AFG3L2: variants seen among roughly 807,000 people sequenced by gnomAD.
AFG3L2 encodes the protein AFG3 like matrix AAA peptidase subunit 2, also known as mitochondrial inner membrane m-AAA protease component AFG3L2.
AFG3L2 carries 54 observed loss-of-function variants against 94.5 expected under a neutral mutation model. The ratio of observed to expected loss-of-function variants is 0.57; its 90% CI spans 0.46 to 0.72. The LOEUF is 0.72. Ranked by LOEUF, AFG3L2 falls within the 30% of genes least tolerant of loss-of-function variation. The pLI is 0.00. For missense variants in AFG3L2, 754 were observed against 994.9 expected (o/e 0.76, Z 3.26); for synonymous variants, 377 against 365.5 (o/e 1.03, Z -0.36).
intron 1 of AFG3L2, among the ~76,000 whole-genome samples, chr18:12,374,383 T>C (rs1355051130): frequency 6.6e-6 from 1 of 152,220 alleles, no homozygotes; most frequent in Non-Finnish European, 1.5e-5. Context: ...AGAACTCATC[T>C]CTCAACACAT....
At chr18:12,359,208 C>A (rs770001221) in intron 7 of AFG3L2, among the ~76,000 whole-genome samples, 2 of 152,048 alleles carry the variant, frequency 1.3e-5, no homozygotes, top group Non-Finnish European at 2.9e-5. Context: ...AGACAACCCC[C>A]AAAGAAGAAG....
intron 13 of AFG3L2, 40 bp from the exon 14 acceptor site, chr18:12,344,287 A>T: frequency 2.0e-6 from 3 of 1,501,942 alleles, no homozygotes; most frequent in Admixed American, 1.7e-5. Context: ...CCATTGTTAC[A>T]GTGACACTGA....
intron 5 of AFG3L2, among the ~76,000 whole-genome samples, chr18:12,364,791 T>C (rs554678988): frequency 1.3e-5 from 2 of 152,060 alleles, no homozygotes; most frequent in East Asian, 1.9e-4. Context: ...CTCAGCTTCC[T>C]GAGTAGCTGG....
intron 6 of AFG3L2, among the ~76,000 whole-genome samples, chr18:12,363,100 G>C (rs1380058945): frequency 6.6e-6 from 1 of 152,212 alleles, no homozygotes; most frequent in East Asian, 1.9e-4. Context: ...TAAACAGAGA[G>C]ATATGGTCAC....
intron 6 of AFG3L2, among the ~76,000 whole-genome samples, chr18:12,360,838 A>G (rs1908637879): frequency 6.6e-6 from 1 of 152,172 alleles, no homozygotes; most frequent in Admixed American, 6.6e-5. Context: ...ATCTGAACCC[A>G]GACAGTCTGG....
intron 1 of AFG3L2, among the ~76,000 whole-genome samples, chr18:12,375,055 C>CAAAA (rs201750735): frequency 9.9e-6 from 1 of 100,858 alleles, no homozygotes; most frequent in African/African-American, 3.1e-5. Flanking sequence ...GACCCTGTCT[C>CAAAA]AAAAAAAAAA....
At chr18:12,333,070 AT>A (rs1907615322) in intron 16 of AFG3L2, among the ~76,000 whole-genome samples, 2 of 5,398 alleles carry the variant, frequency 3.7e-4, no homozygotes, top group Non-Finnish European at 1.1e-3. Context: ...ATAATCTATT[AT>A]ATAACTATTA....
intron 8 of AFG3L2, 24 bp from the exon 9 acceptor site, chr18:12,356,855 A>G: frequency 2.5e-6 from 4 of 1,611,946 alleles, no homozygotes; most frequent in Non-Finnish European, 3.4e-6. Context: ...AAAAGAAATT[A>G]CATTTAATGA....
chr18:12,377,127 G>A lies in AFG3L2; in HGVS notation c.-45C>T. 4 of 1,325,360 alleles carry A rather than the reference G, an allele frequency of 3.0e-6. No individual in the cohort carries two copies. Among genetic ancestry groups the A allele is most frequent in the Non-Finnish European group, 3.9e-6 (4 of 1,020,268 alleles). 82.1% of individuals were successfully genotyped at this position (1,325,360 alleles called of 1,614,324 possible). The stretch of plus-strand genomic sequence containing the variant: ...TCGGCCCGGGACGCTGCGCAGGCGC[G>A]GGCAGGCGACGACTGGCGGCCTCGG... On this transcript the variant is annotated 5_prime_UTR_variant, in exon 1 of 17. Transcript: ENST00000269143.
At chr18:12,367,145 G>A (rs111696683) in intron 4 of AFG3L2, 28 bp from the exon 5 acceptor site, 1 of 1,614,082 alleles carries the variant, frequency 6.2e-7, no homozygotes, top group African/African-American at 1.3e-5. Flanking sequence ...CAGCTTCTGT[G>A]AAGAATGAAA....
chr18:12,357,574 CA>C (rs1310911242), intron 8 of AFG3L2, among the ~76,000 whole-genome samples: 1 of 151,636 alleles, frequency 6.6e-6, no homozygotes, highest in Non-Finnish European at 1.5e-5. Context: ...AACTTAACTT[CA>C]AAGAAAGATG....
At chr18:12,366,649 C>T (rs1908816399) in intron 5 of AFG3L2, among the ~76,000 whole-genome samples, 1 of 152,056 alleles carries the variant, frequency 6.6e-6, no homozygotes, top group Non-Finnish European at 1.5e-5. Context: ...CACGACAGCA[C>T]AGAGCAGGGG....
Position 12,351,141 on chromosome 18 carries a change from G to A in AFG3L2, c.1496C>T (p.Thr499Ile), listed in dbSNP as rs2143164464. Residue 499 changes from threonine to isoleucine, a missense_variant, in exon 12 of 17, where the codon ACC (threonine) becomes ATC (isoleucine). By Grantham distance (89) the Thr-to-Ile change is moderately conservative. Around this residue, in one of 4 missense-constraint regions of AFG3L2, gnomAD observed 279 missense variants for 378.6 expected, o/e 0.74. Coordinates refer to ENST00000269143, the MANE Select transcript of AFG3L2 (RefSeq NM_006796.3). ...VHLRPLKLDS[T>I]LEKDKLARKL... ...TCTTGCCAATTTATCCTTCTCCAGG[G>A]TACTGTCCAGTTTTAGCGGTCGGAG... The A allele has an allele frequency of 6.2e-7, 1 of 1,613,968 alleles. No individual in the cohort carries two copies. The highest frequency in any genetic ancestry group is 8.5e-7 in the Non-Finnish European group (1 of 1,180,006).
At chr18:12,332,741 T>C (rs1002816130) in intron 16 of AFG3L2, among the ~76,000 whole-genome samples, 11 of 149,468 alleles carry the variant, frequency 7.4e-5, no homozygotes, top group Non-Finnish European at 1.5e-4. Flanking sequence ...AATACTATAA[T>C]GCTCTGATTT....
intron 15 of AFG3L2, among the ~76,000 whole-genome samples, chr18:12,338,264 T>C (rs1420671965): frequency 6.6e-6 from 1 of 152,018 alleles, no homozygotes; most frequent in African/African-American, 2.4e-5. Flanking sequence ...CAAGAGAAAG[T>C]AGAGAAGCAG....
intron 8 of AFG3L2, 124 bp from the exon 9 acceptor site, chr18:12,356,955 T>TAA (rs1204850183): frequency 2.8e-5 from 26 of 944,164 alleles, no homozygotes; most frequent in Admixed American, 4.6e-5. Context: ...AAATATTACT[T>TAA]AAACATCTGA....
chr18:12,335,683 G>A (rs1205066771), intron 16 of AFG3L2, among the ~76,000 whole-genome samples: 2 of 152,084 alleles, frequency 1.3e-5, no homozygotes, highest in African/African-American at 2.4e-5. Flanking sequence ...CGGGCTCCAC[G>A]CCGCACACTC....
chr18:12,331,112 T>C (rs1907510814), intron 16 of AFG3L2, among the ~76,000 whole-genome samples: 1 of 152,226 alleles, frequency 6.6e-6, no homozygotes, highest in South Asian at 2.1e-4. Flanking sequence ...TTATTTTAAC[T>C]GTACCTTTTC....
chr18:12,332,123 A>ATTTTTTTTT (rs10689491), intron 16 of AFG3L2, among the ~76,000 whole-genome samples: 82 of 131,696 alleles, frequency 6.2e-4, no homozygotes, highest in African/African-American at 2.3e-3. Context: ...TCATAAAATG[A>ATTTTTTTTT]TTTTTTTTTT....
Sources: allele counts gnomAD v4.1 joint callset (sites outside exome capture counted in the v4.1 genomes callset), GRCh38; gene constraint gnomAD v4.1.1; regional missense constraint gnomAD v4.1.1; transcripts MANE v1.5; gene names NCBI Gene and HGNC (gene_info 2026-07-23, HGNC 2026-07-21).